Variants in GPC6 observed in about 807,000 individuals in gnomAD.
GPC6 encodes the protein glypican-6.
Under a neutral mutation model 55.2 loss-of-function variants are expected in GPC6, and 14 were observed. The ratio of observed to expected loss-of-function variants is 0.25; its 90% CI spans 0.17 to 0.40. GPC6 has a LOEUF of 0.40. Among genes scored for constraint, GPC6 ranks in the 10% least tolerant of loss-of-function variants. The pLI is 1.00. For missense variants in GPC6, 641 were observed against 708.5 expected (o/e 0.90, Z 1.08); for synonymous variants, 278 against 259.6 (o/e 1.07, Z -0.68).
At chr13:94,237,699 A>T (rs116655150) in intron 4 of GPC6, among the ~76,000 whole-genome samples, 3,071 of 152,186 alleles carry the variant, frequency 0.02, 45 homozygotes, top group African/African-American at 0.028. Context: ...AGTGAACTAG[A>T]GTAGAAAAAG....
At chr13:93,427,108 G>A (rs1357340330) in intron 1 of GPC6, among the ~76,000 whole-genome samples, 1 of 148,176 alleles carries the variant, frequency 6.7e-6, no homozygotes, top group Admixed American at 6.7e-5. Context: ...TTGTAAATTT[G>A]TTTGAGTTCA....
chr13:93,843,288 C>G (rs954904141), intron 3 of GPC6, among the ~76,000 whole-genome samples: 7 of 152,228 alleles, frequency 4.6e-5, no homozygotes, highest in Admixed American at 3.9e-4. Flanking sequence ...TCACTTTTCA[C>G]TCTGAATTCC....
At chr13:93,495,560 C>T (rs2139364025) in intron 1 of GPC6, among the ~76,000 whole-genome samples, 1 of 132,022 alleles carries the variant, frequency 7.6e-6, no homozygotes, top group Non-Finnish European at 1.6e-5. Flanking sequence ...TGTTCCGTTG[C>T]TGGTGAGGAA....
intron 3 of GPC6, among the ~76,000 whole-genome samples, chr13:94,012,986 A>C (rs1381235342): frequency 6.6e-6 from 1 of 152,202 alleles, no homozygotes; most frequent in Admixed American, 6.5e-5. Flanking sequence ...CTTGTTTTAC[A>C]TTCTGTGTGC....
At chr13:93,327,250 G>A (rs1409186765) in intron 1 of GPC6, among the ~76,000 whole-genome samples, 1 of 152,082 alleles carries the variant, frequency 6.6e-6, no homozygotes, top group African/African-American at 2.4e-5. Context: ...TCTAAGCATT[G>A]TTCAAATAAA....
chr13:93,585,600 GTCT>G (rs1403002417), intron 2 of GPC6, among the ~76,000 whole-genome samples: 1 of 152,020 alleles, frequency 6.6e-6, no homozygotes, highest in Non-Finnish European at 1.5e-5. Flanking sequence ...AATAATTTTG[GTCT>G]TCTTCAGTAA....
chr13:93,436,640 C>T (rs1292166378), intron 1 of GPC6, among the ~76,000 whole-genome samples: 1 of 151,942 alleles, frequency 6.6e-6, no homozygotes, highest in Non-Finnish European at 1.5e-5. Context: ...TTAGGGAATG[C>T]TTTTACTTAT....
chr13:93,491,534 A>C (rs1020097662), intron 1 of GPC6, among the ~76,000 whole-genome samples: 2 of 119,010 alleles, frequency 1.7e-5, no homozygotes, highest in African/African-American at 6.6e-5. Context: ...ATTAGATCCC[A>C]TTTGTCAATT....
intron 4 of GPC6, among the ~76,000 whole-genome samples, chr13:94,158,335 T>G (rs1888027869): frequency 6.6e-6 from 1 of 151,582 alleles, no homozygotes; most frequent in Non-Finnish European, 1.5e-5. Context: ...AATTATAGTT[T>G]GAGTTGAATA....
At chr13:93,806,124 A>G (rs1209605760) in intron 2 of GPC6, among the ~76,000 whole-genome samples, 1 of 152,200 alleles carries the variant, frequency 6.6e-6, no homozygotes, top group African/African-American at 2.4e-5. Flanking sequence ...TTCTTTGAAC[A>G]CCATGGAATG....
At chr13:93,398,221 A>C (rs1433929936) in intron 1 of GPC6, among the ~76,000 whole-genome samples, 1 of 152,128 alleles carries the variant, frequency 6.6e-6, no homozygotes, top group Non-Finnish European at 1.5e-5. Context: ...TGAAGCAAAA[A>C]CGTATGTTCT....
At chr13:93,933,689 A>C (rs1399016956) in intron 3 of GPC6, among the ~76,000 whole-genome samples, 1 of 152,198 alleles carries the variant, frequency 6.6e-6, no homozygotes, top group Non-Finnish European at 1.5e-5. Context: ...TAGTACTGTT[A>C]TTGTCACTCA....
intron 1 of GPC6, among the ~76,000 whole-genome samples, chr13:93,442,222 C>A (rs1316131690): frequency 6.6e-6 from 1 of 152,054 alleles, no homozygotes; most frequent in Non-Finnish European, 1.5e-5. Context: ...AGAGTAAAGA[C>A]ATAATGAAAA....
At chr13:93,439,489 G>A (rs2139285960) in intron 1 of GPC6, among the ~76,000 whole-genome samples, 1 of 152,010 alleles carries the variant, frequency 6.6e-6, no homozygotes, top group East Asian at 1.9e-4. Context: ...TTGCTCTTCT[G>A]CCGTGATTGT....
intron 3 of GPC6, among the ~76,000 whole-genome samples, chr13:93,939,281 CAT>C (rs1305721080): frequency 8.6e-5 from 13 of 150,842 alleles, no homozygotes; most frequent in African/African-American, 2.7e-4. Flanking sequence ...ATATTTGCCA[CAT>C]GTGTGTTGGG....
chr13:93,861,034 A>G (rs977778626), intron 3 of GPC6, among the ~76,000 whole-genome samples: 1 of 151,510 alleles, frequency 6.6e-6, no homozygotes, highest in Admixed American at 6.6e-5. Flanking sequence ...GAGGGTTTTT[A>G]TGTATAAAAT....
Position 94,147,140 on chromosome 13 carries a change from T to C in GPC6, c.877+119246T>C, listed in dbSNP as rs78816657. ...ACCCTGACTAAAATAAACTAGAAAATTGAAGTGATTATAAAGATCATTTGC... is the reference window on the plus strand; with the variant it reads ...ACCCTGACTAAAATAAACTAGAAAACTGAAGTGATTATAAAGATCATTTGC... On this transcript the variant is annotated intron_variant, in intron 4 of 8. Transcript: ENST00000377047. Among the ~76,000 whole-genome samples, 93 of 152,232 alleles carry C rather than the reference T, an allele frequency of 6.1e-4. 1 individual carries two copies. Among genetic ancestry groups the C allele is most frequent in the African/African-American group, 1.9e-3 (79 of 41,554 alleles).
chr13:94,309,577 C>G (rs574087698), intron 6 of GPC6, among the ~76,000 whole-genome samples: 20 of 152,162 alleles, frequency 1.3e-4, no homozygotes, highest in African/African-American at 4.8e-4. Context: ...CCATTTGCTC[C>G]TCTAAAGTTA....
intron 2 of GPC6, among the ~76,000 whole-genome samples, chr13:93,619,962 C>G (rs898797223): frequency 6.6e-6 from 1 of 151,964 alleles, no homozygotes; most frequent in African/African-American, 2.4e-5. Flanking sequence ...AATATTTTCA[C>G]TATGTCTGTG....
Sources: gnomAD v4.1 joint callset for allele counts (sites outside exome capture counted in the v4.1 genomes callset) on GRCh38, gnomAD v4.1.1 for gene constraint, MANE v1.5 for transcripts, NCBI Gene and HGNC (gene_info 2026-07-23, HGNC 2026-07-21) for gene names.